Variants in RIMS2 observed in about 807,000 individuals in gnomAD.
RIMS2 encodes regulating synaptic membrane exocytosis 2.
In RIMS2, 59 loss-of-function variants were observed where a neutral mutation model predicts 174.4. The ratio of observed to expected loss-of-function variants is 0.34; its 90% CI spans 0.27 to 0.42. RIMS2 has a LOEUF of 0.42. RIMS2 is among the 10% of genes least tolerant of loss of function. The probability of loss-of-function intolerance (pLI) is 1.00; values close to 1 mark genes in which losing one functional copy is unlikely to be tolerated. For missense variants in RIMS2, 1,620 were observed against 1,666.3 expected (o/e 0.97, Z 0.48); for synonymous variants, 606 against 572.5 (o/e 1.06, Z -0.84).
Position 104,074,834 on chromosome 8 carries a change from G to A in RIMS2, c.3334+60219G>A, listed in dbSNP as rs565152981. ...GTGATTAATAGACATGCATATGGGT[G>A]TGGGTGTTTTCAAAGAAATACTCAT... is the stretch of plus-strand genomic sequence containing the variant. On this transcript the variant is annotated intron_variant, in intron 19 of 23. Coordinates refer to ENST00000504942, the Ensembl canonical transcript of RIMS2. Among the ~76,000 whole-genome samples the A allele has an allele frequency of 1.1e-4, 17 of 152,258 alleles. 1 individual carries two copies. In the South Asian group the frequency reaches 3.5e-3, roughly 32 times the overall value.
intron 19 of RIMS2, 40 bp from the exon 25 acceptor site, chr8:104,148,567 T>G (rs2098662667): frequency 6.4e-7 from 1 of 1,551,396 alleles, no homozygotes; most frequent in Admixed American, 1.9e-5. Context: ...CTTTTCCTTT[T>G]TACTCTTGTC....
intron 4 of RIMS2, among the ~76,000 whole-genome samples, chr8:103,903,162 T>C (rs2073586762): frequency 6.6e-6 from 1 of 152,136 alleles, no homozygotes; most frequent in Admixed American, 6.6e-5. Context: ...TTTAAAACTC[T>C]CAGCAATCTG....
intron 19 of RIMS2, among the ~76,000 whole-genome samples, chr8:104,076,186 A>G (rs1315065206): frequency 1.3e-5 from 2 of 152,212 alleles, no homozygotes; most frequent in African/African-American, 4.8e-5. Flanking sequence ...GCCTGATTAA[A>G]GCCTTCAGTC....
intron 1 of RIMS2, among the ~76,000 whole-genome samples, chr8:103,546,802 A>G (rs1180313597): frequency 6.6e-6 from 1 of 152,166 alleles, no homozygotes; most frequent in African/African-American, 2.4e-5. Context: ...CCTGACTCCC[A>G]GCCCCACGAA....
chr8:104,184,760 AGTAAATCAAAGATTT>A (rs1344075954), intron 19 of RIMS2, among the ~76,000 whole-genome samples: 3 of 151,620 alleles, frequency 2.0e-5, no homozygotes, highest in Admixed American at 6.6e-5. Context: ...AGAAATCCTT[AGTAAATCAAAGATTT>A]GTAAATCAAA....
At chr8:103,501,188 G>T in intron 1 of RIMS2, 126 bp downstream of exon 1, 1 of 623,858 alleles carries the variant, frequency 1.6e-6, no homozygotes, top group African/African-American at 1.9e-5. Context: ...AGGCCACGAG[G>T]GCTGCGGCCA....
intron 19 of RIMS2, among the ~76,000 whole-genome samples, chr8:104,079,728 A>G (rs968943773): frequency 1.3e-5 from 2 of 149,870 alleles, no homozygotes; most frequent in Admixed American, 6.7e-5. Flanking sequence ...TAAAATACAT[A>G]TATTCTGTTT....
intron 2 of RIMS2, among the ~76,000 whole-genome samples, chr8:103,726,885 C>T (rs537336923): frequency 2.0e-5 from 3 of 150,806 alleles, no homozygotes; most frequent in East Asian, 3.9e-4. Context: ...ATTATAGGCA[C>T]GTGCCATCAT....
At chr8:103,819,960 T>C (rs1397864339) in intron 3 of RIMS2, among the ~76,000 whole-genome samples, 1 of 152,118 alleles carries the variant, frequency 6.6e-6, no homozygotes, top group African/African-American at 2.4e-5. Flanking sequence ...AGTGATTACA[T>C]TGCATATATA....
At chr8:103,510,983 TA>T (rs1403571076) in intron 1 of RIMS2, among the ~76,000 whole-genome samples, 3 of 152,176 alleles carry the variant, frequency 2.0e-5, no homozygotes, top group African/African-American at 7.2e-5. Flanking sequence ...TCTTATTTTT[TA>T]AAAAGTATTT....
intron 1 of RIMS2, among the ~76,000 whole-genome samples, chr8:103,548,175 A>G (rs1845986350): frequency 6.6e-6 from 1 of 152,218 alleles, no homozygotes; most frequent in Non-Finnish European, 1.5e-5. Flanking sequence ...GGCCAGTGTC[A>G]TCCTGATACC....
At chr8:103,614,548 G>A (rs754997475) in intron 1 of RIMS2, among the ~76,000 whole-genome samples, 37 of 152,188 alleles carry the variant, frequency 2.4e-4, no homozygotes, top group Non-Finnish European at 3.8e-4. Flanking sequence ...TGTGTGTGCC[G>A]ATCATTGTTG....
rs764333917 is a variant in RIMS2 at position 103,931,404 on chromosome 8, A to G, written c.2375+11A>G. 3 of 1,544,744 alleles carry G rather than the reference A, an allele frequency of 1.9e-6. No individual in the cohort carries two copies. The highest frequency in any genetic ancestry group is 2.3e-5 in the East Asian group (1 of 44,070). On this transcript the variant is annotated intron_variant, in intron 12 of 23. Coordinates refer to ENST00000504942, the Ensembl canonical transcript of RIMS2. Reference sequence around the variant, plus strand: ...TCTTCCAGACAGAAGGTAAGGATATAAAACAAAATAAATGTTCTGGAAAAT... The same window carrying G: ...TCTTCCAGACAGAAGGTAAGGATATGAAACAAAATAAATGTTCTGGAAAAT...
intron 19 of RIMS2, among the ~76,000 whole-genome samples, chr8:104,092,914 T>A (rs952830536): frequency 1.3e-5 from 2 of 152,024 alleles, no homozygotes; most frequent in African/African-American, 4.8e-5. Flanking sequence ...ATCTGACTAT[T>A]TCAATTCCAG....
chr8:103,927,588 G>T (rs911079300), intron 10 of RIMS2, among the ~76,000 whole-genome samples: 1 of 151,476 alleles, frequency 6.6e-6, no homozygotes, highest in Non-Finnish European at 1.5e-5. Flanking sequence ...CTTAATTCTT[G>T]TTATGTGAAC....
exon 19 of RIMS2, chr8:104,014,542 A>G: frequency 6.2e-7 from 1 of 1,613,144 alleles, no homozygotes; most frequent in Non-Finnish European, 8.5e-7. Flanking sequence ...AGACAAGCCC[A>G]TCAAGTACTC....
At chr8:103,607,258 T>C (rs1232661433) in intron 1 of RIMS2, among the ~76,000 whole-genome samples, 1 of 152,176 alleles carries the variant, frequency 6.6e-6, no homozygotes, top group East Asian at 1.9e-4. Flanking sequence ...CCTTCACTTA[T>C]GAAGCTTAGT....
intron 1 of RIMS2, among the ~76,000 whole-genome samples, chr8:103,647,980 G>C (rs1273776055): frequency 6.7e-6 from 1 of 149,960 alleles, no homozygotes; most frequent in Non-Finnish European, 1.5e-5. Flanking sequence ...TGTGGGGCTT[G>C]CTCTTGGTTT....
chr8:103,629,491 A>T (rs542172944), intron 1 of RIMS2, among the ~76,000 whole-genome samples: 1 of 152,344 alleles, frequency 6.6e-6, no homozygotes, highest in South Asian at 2.1e-4. Flanking sequence ...ACTGCAGCCC[A>T]CAAAAATAAG....
Sources: allele counts gnomAD v4.1 joint callset (sites outside exome capture counted in the v4.1 genomes callset), GRCh38; gene constraint gnomAD v4.1.1; transcripts MANE v1.5; gene names NCBI Gene and HGNC (gene_info 2026-07-23, HGNC 2026-07-21).